The following MSANTD3 variants were observed in gnomAD, a reference collection of about 807,000 sequenced individuals.
MSANTD3 encodes Myb/SANT DNA binding domain containing 3.
Under a neutral mutation model 27.7 loss-of-function variants are expected in MSANTD3, and 11 were observed. That is an observed-to-expected ratio of 0.40 (90% CI 0.25 to 0.66). The LOEUF (loss-of-function observed/expected upper bound fraction) is 0.66, where lower values mean the gene tolerates loss of function less well. Among genes scored for constraint, MSANTD3 ranks in the 30% least tolerant of loss-of-function variants. MSANTD3 has a pLI of 0.41. For missense variants in MSANTD3, 250 were observed against 336.5 expected, an observed-to-expected ratio of 0.74 and a Z score of 2.01; for synonymous variants, 131 against 127.2, an observed-to-expected ratio of 1.03 and a Z score of -0.20.
intron 2 of MSANTD3, among the ~76,000 whole-genome samples, chr9:100,446,266 T>A (rs1201371492): frequency 6.6e-6 from 1 of 152,176 alleles, no homozygotes; most frequent in Non-Finnish European, 1.5e-5. Context: ...GGGGGTGAGA[T>A]CTCTGGTACC....
intron 1 of MSANTD3, among the ~76,000 whole-genome samples, chr9:100,432,142 A>T (rs1167598981): frequency 6.6e-6 from 1 of 152,200 alleles, no homozygotes; most frequent in Non-Finnish European, 1.5e-5. Flanking sequence ...GGCGCAGATG[A>T]TGAAAATAAA....
At chr9:100,433,523 C>T (rs1587783452) in intron 1 of MSANTD3, among the ~76,000 whole-genome samples, 1 of 152,102 alleles carries the variant, frequency 6.6e-6, no homozygotes, top group Non-Finnish European at 1.5e-5. Flanking sequence ...GCACATGCCA[C>T]CTTGCCTGGC....
chr9:100,436,598 T>C (rs1382988966), intron 1 of MSANTD3, among the ~76,000 whole-genome samples: 1 of 152,220 alleles, frequency 6.6e-6, no homozygotes, highest in Admixed American at 6.5e-5. Flanking sequence ...TTTTATGTTG[T>C]CATTTATAAA....
intron 2 of MSANTD3, among the ~76,000 whole-genome samples, chr9:100,446,557 G>A (rs1379795566): frequency 6.6e-6 from 1 of 152,056 alleles, no homozygotes. Context: ...CGGGCACAGT[G>A]GTTCACACCT....
chr9:100,428,571 A>AGACCC (rs540188897), intron 1 of MSANTD3, among the ~76,000 whole-genome samples: 2 of 152,108 alleles, frequency 1.3e-5, no homozygotes. Flanking sequence ...CCTCCCGTAG[A>AGACCC]GACCCGGGCT....
In MSANTD3 at chr9:100,451,029, T is replaced by C. The variant is rs1164870943; in HGVS notation, c.*63T>C. On this transcript the variant is annotated 3_prime_UTR_variant, in exon 3 of 3. Coordinates refer to ENST00000395067, the MANE Select transcript of MSANTD3 (RefSeq NM_080655.3). The stretch of plus-strand genomic sequence containing the variant: ...GGCAAAGAATGTCTGGAACATGGAC[T>C]TGGCGGTCAGTAACCTGTAACAGAG... 2.0e-6 allele frequency: 3 copies of C among 1,492,066 alleles called. No individual in the cohort carries two copies. The highest frequency in any genetic ancestry group is 2.7e-6 in the Non-Finnish European group (3 of 1,113,972). The allele number at this position is 1,492,066 out of a possible 1,614,324, so 92.4% of individuals were successfully genotyped here.
intron 1 of MSANTD3, among the ~76,000 whole-genome samples, chr9:100,434,767 G>A (rs1836441964): frequency 1.3e-5 from 2 of 152,128 alleles, no homozygotes; most frequent in African/African-American, 4.8e-5. Context: ...CTCTTCTGGT[G>A]TCTGTTTCAG....
rs933683792 is a variant in MSANTD3, at chr9:100,451,700, G to A, written c.*734G>A. 1 of 143,174 alleles carries A rather than the reference G, an allele frequency of 7.0e-6. No individual in the cohort carries two copies. Among genetic ancestry groups the A allele is most frequent in the Admixed American group, 7.0e-5 (1 of 14,352 alleles). 8.9% of individuals were successfully genotyped at this position (143,174 alleles called of 1,614,324 possible). A position where few individuals can be genotyped will look rare whatever the true frequency, so the allele number is the denominator to read the frequency against. Reference sequence around the variant, plus strand: ...CGTTTAGATTTCTACATTCTGTTATGTTGGTTTTATTAAAAAAAAAAAAAA... The same window carrying A: ...CGTTTAGATTTCTACATTCTGTTATATTGGTTTTATTAAAAAAAAAAAAAA... On this transcript the variant is annotated 3_prime_UTR_variant, in exon 3 of 3. Transcript: ENST00000395067.
At chr9:100,440,048 A>T (rs1205327665) in intron 1 of MSANTD3, among the ~76,000 whole-genome samples, 1 of 152,162 alleles carries the variant, frequency 6.6e-6, no homozygotes, top group Non-Finnish European at 1.5e-5. Context: ...TTTTATAGGA[A>T]GCTTTCTGTG....
intron 1 of MSANTD3, among the ~76,000 whole-genome samples, chr9:100,441,479 C>CA (rs966382055): frequency 2.2e-4 from 33 of 146,746 alleles, no homozygotes; most frequent in East Asian, 1.2e-3. Context: ...ACCAAAACTA[C>CA]AAAAAAAAAA....
intron 2 of MSANTD3, among the ~76,000 whole-genome samples, chr9:100,447,451 C>T (rs1342968216): frequency 2.0e-5 from 3 of 152,018 alleles, no homozygotes; most frequent in Non-Finnish European, 4.4e-5. Context: ...TTTTCTGCTC[C>T]CGGACACAAA....
At chr9:100,443,383 G>A (rs1400548926) in intron 2 of MSANTD3, among the ~76,000 whole-genome samples, 1 of 145,862 alleles carries the variant, frequency 6.9e-6, no homozygotes, top group Non-Finnish European at 1.5e-5. Context: ...TAGGCAACAA[G>A]AGCAAAACTC....
intron 2 of MSANTD3, among the ~76,000 whole-genome samples, chr9:100,443,174 C>T (rs1836670088): frequency 6.6e-6 from 1 of 151,866 alleles, no homozygotes; most frequent in South Asian, 2.1e-4. Context: ...CTGAGGTGGG[C>T]GGATCACCCG....
chr9:100,439,598 C>T (rs947511218), intron 1 of MSANTD3, among the ~76,000 whole-genome samples: 4 of 151,786 alleles, frequency 2.6e-5, no homozygotes, highest in Admixed American at 1.3e-4. Flanking sequence ...CAAGCTCCGC[C>T]CCCCGGGGTC....
At chr9:100,447,867 C>T (rs1836792083) in intron 2 of MSANTD3, among the ~76,000 whole-genome samples, 1 of 152,106 alleles carries the variant, frequency 6.6e-6, no homozygotes, top group Non-Finnish European at 1.5e-5. Flanking sequence ...TCTCTAAAGC[C>T]TGGAATTGTT....
intron 2 of MSANTD3, chr9:100,445,190 G>A: frequency 6.2e-7 from 1 of 1,609,972 alleles, no homozygotes; most frequent in Middle Eastern, 1.7e-4. Context: ...GAAAGAAAAA[G>A]AAGCCTGGAA....
intron 1 of MSANTD3, 51 bp from the exon 2 acceptor site, chr9:100,441,855 G>T (rs1194916954): frequency 1.3e-6 from 2 of 1,508,778 alleles, no homozygotes; most frequent in Non-Finnish European, 1.8e-6. Context: ...TGATTTATAG[G>T]CATTGTTTTT....
chr9:100,442,771 T>C (rs1218486274), intron 2 of MSANTD3, among the ~76,000 whole-genome samples: 1 of 140,448 alleles, frequency 7.1e-6, no homozygotes, highest in Admixed American at 7.6e-5. Context: ...ATTGCGCCAC[T>C]GCACTCCAGC....
At chr9:100,437,326 C>A (rs1836499686) in intron 1 of MSANTD3, among the ~76,000 whole-genome samples, 1 of 152,090 alleles carries the variant, frequency 6.6e-6, no homozygotes, top group South Asian at 2.1e-4. Context: ...GTGTTAATGC[C>A]CATACTTTGA....
Sources: gnomAD v4.1 joint callset for allele counts (sites outside exome capture counted in the v4.1 genomes callset) on GRCh38, gnomAD v4.1.1 for gene constraint, MANE v1.5 for transcripts, NCBI Gene and HGNC (gene_info 2026-07-23, HGNC 2026-07-21) for gene names.